Variants in LMO3 observed in about 807,000 individuals in gnomAD.
LMO3 encodes the protein LIM domain only 3, also known as LIM domain only protein 3.
In LMO3, 2 loss-of-function variants were observed where a neutral mutation model predicts 15.8. That is an observed-to-expected ratio of 0.13 (90% CI 0.05 to 0.40). LMO3 has a LOEUF of 0.40. Among genes scored for constraint, LMO3 ranks in the 10% least tolerant of loss-of-function variants. The pLI, the probability that LMO3 is intolerant of heterozygous loss-of-function variation, is 0.99. For missense variants in LMO3, 86 were observed against 182.2 expected, an observed-to-expected ratio of 0.47 and a Z score of 3.04; for synonymous variants, 62 against 63.8, an observed-to-expected ratio of 0.97 and a Z score of 0.13.
At chr12:16,552,847 A>G (rs1292382751) in intron 3 of LMO3, among the ~76,000 whole-genome samples, 3 of 152,194 alleles carry the variant, frequency 2.0e-5, no homozygotes, top group South Asian at 2.1e-4. Flanking sequence ...TTGCACTTCA[A>G]TAATGGTGTT....
intron 2 of LMO3, among the ~76,000 whole-genome samples, chr12:16,564,336 T>A (rs1942513946): frequency 6.6e-6 from 1 of 152,214 alleles, no homozygotes; most frequent in Non-Finnish European, 1.5e-5. Flanking sequence ...GTTTAGATGT[T>A]TTTAAAGGTG....
chr12:16,605,071 G>A lies in LMO3; in HGVS notation c.-9+995C>T. ...CGGGTCGGAGTGGCGGCAGGGGGTG[G>A]GGGAAGGGATGAGGACGGCCAGACA... On this transcript the variant is annotated intron_variant, in intron 1 of 3. Coordinates refer to ENST00000537304, the MANE Select transcript of LMO3 (RefSeq NM_018640.5). The A allele has an allele frequency of 3.4e-6, 5 of 1,476,052 alleles. No individual in the cohort carries two copies. The South Asian group carries it at 4.1e-5, about 12-fold the overall frequency. The allele number at this position is 1,476,052 out of a possible 1,614,324, so 91.4% of individuals were successfully genotyped here. A position where few individuals can be genotyped will look rare whatever the true frequency, so the allele number is the denominator to read the frequency against.
intron 2 of LMO3, among the ~76,000 whole-genome samples, chr12:16,592,500 G>A (rs1943524997): frequency 6.6e-6 from 1 of 151,970 alleles, no homozygotes; most frequent in South Asian, 2.1e-4. Context: ...CATCTCACCT[G>A]TAAAATGCAA....
At chr12:16,605,426 C>A in intron 1 of LMO3, 2 of 1,021,142 alleles carry the variant, frequency 2.0e-6, no homozygotes, top group Non-Finnish European at 2.4e-6. Context: ...ACTTCTGCCC[C>A]TACCCGCCTG....
At chr12:16,580,846 T>C (rs1365704686) in intron 2 of LMO3, among the ~76,000 whole-genome samples, 2 of 152,210 alleles carry the variant, frequency 1.3e-5, no homozygotes, top group African/African-American at 2.4e-5. Flanking sequence ...ATAAAAGCTT[T>C]TATTAATTAT....
intron 3 of LMO3, among the ~76,000 whole-genome samples, chr12:16,554,662 C>T (rs1942120031): frequency 6.6e-6 from 1 of 152,188 alleles, no homozygotes; most frequent in Non-Finnish European, 1.5e-5. Flanking sequence ...TATCTATTCA[C>T]ATTTATATGC....
intron 2 of LMO3, among the ~76,000 whole-genome samples, chr12:16,565,674 G>A (rs570387514): frequency 6.6e-6 from 1 of 152,010 alleles, no homozygotes; most frequent in East Asian, 1.9e-4. Context: ...ATATTTTCAT[G>A]GATGATTTTG....
At chr12:16,565,112 A>G in intron 2 of LMO3, among the ~76,000 whole-genome samples, 1 of 152,176 alleles carries the variant, frequency 6.6e-6, no homozygotes, top group Non-Finnish European at 1.5e-5. Flanking sequence ...AATATTAAGG[A>G]TAAGACTAGT....
chr12:16,600,739 G>A lies in LMO3; in HGVS notation c.122C>T (p.Ala41Val). The A allele has an allele frequency of 6.2e-7, 1 of 1,614,144 alleles. No individual in the cohort carries two copies. The highest frequency in any genetic ancestry group is 8.5e-7 in the Non-Finnish European group (1 of 1,180,016). Residue 41 changes from alanine to valine, a missense_variant, in exon 2 of 4, where the codon GCC (alanine) becomes GTC (valine). Physicochemically the swap from Ala to Val is moderately conservative, Grantham distance 64. Transcript: ENST00000537304. ...CTCTCCCAAGCGACAGTCACAGCAGGCACACTTCAGGCAGTCTTCATGCCA... is the reference window on the plus strand; with the variant it reads ...CTCTCCCAAGCGACAGTCACAGCAGACACACTTCAGGCAGTCTTCATGCCA... ...KYWHEDCLKC[A>V]CCDCRLGEVG...
intron 2 of LMO3, among the ~76,000 whole-genome samples, chr12:16,561,199 C>T (rs2137339138): frequency 6.6e-6 from 1 of 152,116 alleles, no homozygotes; most frequent in East Asian, 1.9e-4. Flanking sequence ...AAAAAAAATT[C>T]CTATTTGCTG....
chr12:16,576,390 C>A lies in LMO3; in HGVS notation c.207-15852G>T, dbSNP rs942391837. 2.0e-5 allele frequency among the ~76,000 whole-genome samples: 3 copies of A among 152,238 alleles called. No individual in the cohort carries two copies. Among genetic ancestry groups the A allele is most frequent in the Admixed American group, 6.5e-5 (1 of 15,288 alleles). On this transcript the variant is annotated intron_variant, in intron 2 of 3. Transcript: ENST00000537304. The surrounding 1 kb of genome is among the most constrained non-coding windows in gnomAD (Gnocchi z 4.1). ...TTTCACACCTGATGTCCTACCACTC[C>A]TGCCTGCTGAGTTCCTACTAAATCT...
At position 16,551,126 on chromosome 12, in the gene LMO3, T is replaced by C. The variant is rs1006009886; in HGVS notation, c.*96A>G. ...ATCCTGCCTTCCTATATCTACGCTA[T>C]TCAGTAGGTTCCTGTGTCAATTCTT... On this transcript the variant is annotated 3_prime_UTR_variant, in exon 4 of 4. Coordinates refer to ENST00000537304, the MANE Select transcript of LMO3 (RefSeq NM_018640.5). The C allele has an allele frequency of 6.2e-6, 5 of 808,168 alleles. No homozygotes were observed. Among genetic ancestry groups the C allele is most frequent in the Middle Eastern group, 2.3e-4 (1 of 4,396 alleles). The allele number at this position is 808,168 out of a possible 1,614,324, so 50.1% of individuals were successfully genotyped here.
chr12:16,559,470 C>T lies in LMO3; in HGVS notation c.332+943G>A, dbSNP rs1349769312. Reference sequence around the variant, plus strand: ...GGAAGGTGTTTGTTTGGTTTAAGATCGCACAGCTTATTAGTGGCAGAGCCC... The same window carrying T: ...GGAAGGTGTTTGTTTGGTTTAAGATTGCACAGCTTATTAGTGGCAGAGCCC... On this transcript the variant is annotated intron_variant, in intron 3 of 3. Transcript: ENST00000537304. The surrounding 1 kb of genome is among the most constrained non-coding windows in gnomAD (Gnocchi z 4.1). 6.6e-6 allele frequency among the ~76,000 whole-genome samples: 1 copy of T among 152,142 alleles called. No homozygotes were observed. Among genetic ancestry groups the T allele is most frequent in the East Asian group, 1.9e-4 (1 of 5,190 alleles).
chr12:16,560,672 C>T lies in LMO3; in HGVS notation c.207-134G>A. ...TATGATGTACACAAGTGGATTTTATCCTAGGTGTATGCATAAATATTCTTC... is the reference window on the plus strand; with the variant it reads ...TATGATGTACACAAGTGGATTTTATTCTAGGTGTATGCATAAATATTCTTC... On this transcript the variant is annotated intron_variant, in intron 2 of 3. Coordinates refer to ENST00000537304, the MANE Select transcript of LMO3 (RefSeq NM_018640.5). This position sits in a 1 kb window ranked among gnomAD's most constrained non-coding sequence, Gnocchi z 5.0. 2.6e-6 allele frequency: 2 copies of T among 769,818 alleles called. No homozygotes were observed. Among genetic ancestry groups the T allele is most frequent in the South Asian group, 3.6e-5 (2 of 55,186 alleles). 47.7% of individuals were successfully genotyped at this position (769,818 alleles called of 1,614,324 possible).
intron 2 of LMO3, among the ~76,000 whole-genome samples, chr12:16,579,509 G>C (rs1199365784): frequency 6.6e-6 from 1 of 152,168 alleles, no homozygotes; most frequent in East Asian, 1.9e-4. Context: ...TAAGTGAATA[G>C]TTCCCTTGCT....
At chr12:16,569,813 A>G (rs1303348336) in intron 2 of LMO3, among the ~76,000 whole-genome samples, 1 of 152,198 alleles carries the variant, frequency 6.6e-6, no homozygotes, top group African/African-American at 2.4e-5. Flanking sequence ...AAAAGGGAGA[A>G]GGGAAAAAGA....
intron 2 of LMO3, among the ~76,000 whole-genome samples, chr12:16,572,335 A>G (rs1942840954): frequency 7.1e-6 from 1 of 141,010 alleles, no homozygotes; most frequent in Admixed American, 7.7e-5. Context: ...TAGTGGTCCA[A>G]ACTCTTTTTT....
chr12:16,554,021 T>TA (rs1200284992), intron 3 of LMO3, among the ~76,000 whole-genome samples: 1 of 152,266 alleles, frequency 6.6e-6, no homozygotes, highest in East Asian at 1.9e-4. Flanking sequence ...TACCCTCATT[T>TA]AAAAAAATTA....
Position 16,578,261 on chromosome 12 carries a change from A to AT in LMO3, c.207-17724dup, listed in dbSNP as rs529894202. 7.2e-5 allele frequency among the ~76,000 whole-genome samples: 11 copies of AT among 152,274 alleles called. No individual in the cohort carries two copies. The South Asian group carries it at 1.0e-3, about 14-fold the overall frequency. On this transcript the variant is annotated intron_variant, in intron 2 of 3. Coordinates refer to ENST00000537304, the MANE Select transcript of LMO3 (RefSeq NM_018640.5). ...GAATGTTTAGGGGAATTCTAAGAGA[A>AT]TTTTTTCTTCCAAAGCTTGTATAAA...
Sources: gnomAD v4.1 joint callset for allele counts (sites outside exome capture counted in the v4.1 genomes callset) on GRCh38, gnomAD v4.1.1 for gene constraint, Gnocchi (gnomAD v3.1) non-coding constraint, MANE v1.5 for transcripts, NCBI Gene and HGNC (gene_info 2026-07-23, HGNC 2026-07-21) for gene names.